Variants in GULP1 observed in about 807,000 individuals in gnomAD.
The protein encoded by GULP1 is PTB domain-containing engulfment adapter protein 1.
Under a neutral mutation model 40.9 loss-of-function variants are expected in GULP1, and 19 were observed. The ratio of observed to expected loss-of-function variants is 0.46; its 90% CI spans 0.32 to 0.68. GULP1 has a LOEUF of 0.68. Among genes scored for constraint, GULP1 ranks in the 30% least tolerant of loss-of-function variants. GULP1 has a pLI of 0.03. For missense variants in GULP1, 312 were observed against 362.2 expected (o/e 0.86, Z 1.12); for synonymous variants, 119 against 117.6 (o/e 1.01, Z -0.08).
At chr2:188,582,373 T>C (rs1183641371) in intron 9 of GULP1, 1 of 471,362 alleles carries the variant, frequency 2.1e-6, no homozygotes, top group Admixed American at 2.3e-5. Context: ...ATGAACAACA[T>C]GTGTTTCAGA....
intron 6 of GULP1, among the ~76,000 whole-genome samples, chr2:188,539,678 C>T (rs945500492): frequency 6.6e-6 from 1 of 152,074 alleles, no homozygotes; most frequent in African/African-American, 2.4e-5. Context: ...CGATGGCTTA[C>T]CGTTTGGTTT....
chr2:188,442,566 C>G, intron 2 of GULP1, among the ~76,000 whole-genome samples: 1 of 152,078 alleles, frequency 6.6e-6, no homozygotes, highest in Non-Finnish European at 1.5e-5. Flanking sequence ...AATTTTGGCT[C>G]CTAGGTAAGT....
At position 188,292,916 on chromosome 2, in the gene GULP1, C is replaced by G. The variant is rs577163249; in HGVS notation, c.-172+750C>G. The G allele has an allele frequency of 6.6e-6, 1 of 152,428 alleles. No individual in the cohort carries two copies. Among genetic ancestry groups the G allele is most frequent in the Admixed American group, 6.5e-5 (1 of 15,288 alleles). 9.4% of individuals were successfully genotyped at this position (152,428 alleles called of 1,614,324 possible). A position where few individuals can be genotyped will look rare whatever the true frequency, so the allele number is the denominator to read the frequency against. On this transcript the variant is annotated intron_variant, in intron 1 of 11. Coordinates refer to ENST00000409830, the MANE Select transcript of GULP1 (RefSeq NM_016315.4). This position sits in a 1 kb window ranked among gnomAD's most constrained non-coding sequence, Gnocchi z 4.0. ...ATTCGCTTGGCCGGGTCCACCTTCT[C>G]GTGGCCTCACTCGCCACACGGATCA...
chr2:188,454,101 G>A (rs1389939973), intron 2 of GULP1, among the ~76,000 whole-genome samples: 1 of 152,188 alleles, frequency 6.6e-6, no homozygotes, highest in Non-Finnish European at 1.5e-5. Context: ...CACTCAGCCT[G>A]CCTGTGTTAT....
At chr2:188,374,100 A>C (rs1159014348) in intron 1 of GULP1, among the ~76,000 whole-genome samples, 1 of 152,094 alleles carries the variant, frequency 6.6e-6, no homozygotes, top group Admixed American at 6.6e-5. Context: ...TAATTCTTAA[A>C]ATCTACTGAA....
intron 2 of GULP1, among the ~76,000 whole-genome samples, chr2:188,406,645 G>C (rs2053151806): frequency 6.6e-6 from 1 of 151,818 alleles, no homozygotes. Context: ...CTTGAAGATA[G>C]GTTATTCGAA....
chr2:188,575,774 A>T (rs1379280797), intron 9 of GULP1, among the ~76,000 whole-genome samples: 1 of 152,000 alleles, frequency 6.6e-6, no homozygotes, highest in African/African-American at 2.4e-5. Context: ...TAATGCAATG[A>T]TATGTCACTT....
intron 4 of GULP1, among the ~76,000 whole-genome samples, chr2:188,484,018 G>T (rs954767797): frequency 1.3e-5 from 2 of 151,986 alleles, no homozygotes; most frequent in African/African-American, 4.8e-5. Context: ...CCATCTCCTG[G>T]GTTCAAGTGA....
chr2:188,355,018 C>T (rs999890638), intron 1 of GULP1, among the ~76,000 whole-genome samples: 4 of 152,046 alleles, frequency 2.6e-5, no homozygotes, highest in Non-Finnish European at 5.9e-5. Context: ...CCACAACATA[C>T]CAAAACCTAT....
At chr2:188,303,993 A>T (rs932455174) in intron 1 of GULP1, among the ~76,000 whole-genome samples, 5 of 152,156 alleles carry the variant, frequency 3.3e-5, no homozygotes, top group African/African-American at 1.2e-4. Context: ...ACAGAATAGG[A>T]GTACCCTCTG....
chr2:188,336,510 A>G (rs2042272461), intron 1 of GULP1, among the ~76,000 whole-genome samples: 1 of 152,212 alleles, frequency 6.6e-6, no homozygotes, highest in Admixed American at 6.5e-5. Context: ...ATGGCATATC[A>G]GGCTGAAAAT....
At chr2:188,391,652 T>C (rs1399866844) in intron 2 of GULP1, among the ~76,000 whole-genome samples, 1 of 152,064 alleles carries the variant, frequency 6.6e-6, no homozygotes, top group Admixed American at 6.6e-5. Flanking sequence ...CTATATTGAA[T>C]AGAAGTGCTG....
At chr2:188,588,279 T>A in intron 11 of GULP1, 1 of 254,674 alleles carries the variant, frequency 3.9e-6, no homozygotes, top group Non-Finnish European at 7.7e-6. Context: ...TAAGATTTGA[T>A]CTCAGTCTTA....
At chr2:188,501,343 C>T (rs1298591701) in intron 4 of GULP1, among the ~76,000 whole-genome samples, 1 of 151,844 alleles carries the variant, frequency 6.6e-6, no homozygotes, top group African/African-American at 2.4e-5. Flanking sequence ...CTTGCCTGGC[C>T]CCACCTTTTG....
intron 2 of GULP1, among the ~76,000 whole-genome samples, chr2:188,431,507 A>T (rs1348663416): frequency 6.6e-6 from 1 of 152,196 alleles, no homozygotes; most frequent in Non-Finnish European, 1.5e-5. Flanking sequence ...TTTAAAACTT[A>T]CAATTTCACG....
At chr2:188,557,672 G>A (rs1426596502) in intron 7 of GULP1, among the ~76,000 whole-genome samples, 1 of 152,154 alleles carries the variant, frequency 6.6e-6, no homozygotes, top group African/African-American at 2.4e-5. Flanking sequence ...ACCATTCTGG[G>A]GTCTGGAAAA....
intron 1 of GULP1, among the ~76,000 whole-genome samples, chr2:188,296,278 G>T (rs1310511453): frequency 6.6e-6 from 1 of 152,088 alleles, no homozygotes; most frequent in Non-Finnish European, 1.5e-5. Context: ...ATATGAAATT[G>T]AAATCAGGCC....
chr2:188,368,939 G>GTATATATATATATATATATATA (rs56274020), intron 1 of GULP1, among the ~76,000 whole-genome samples: 8 of 86,076 alleles, frequency 9.3e-5, no homozygotes, highest in African/African-American at 2.1e-4. Context: ...ATATATGTGT[G>GTATATATATATATATATATATA]TATATATATA....
At chr2:188,486,687 T>A (rs1416713273) in intron 4 of GULP1, among the ~76,000 whole-genome samples, 1 of 151,996 alleles carries the variant, frequency 6.6e-6, no homozygotes, top group Non-Finnish European at 1.5e-5. Context: ...AGATCATTTG[T>A]CGATATAAAA....
Sources: allele counts gnomAD v4.1 joint callset (sites outside exome capture counted in the v4.1 genomes callset), GRCh38; gene constraint gnomAD v4.1.1; non-coding constraint Gnocchi (gnomAD v3.1); transcripts MANE v1.5; gene names NCBI Gene and HGNC (gene_info 2026-07-23, HGNC 2026-07-21).